Variants in ELOVL6 observed in about 807,000 individuals in gnomAD.
The protein encoded by ELOVL6 is ELOVL fatty acid elongase 6.
Under a neutral mutation model 31.7 loss-of-function variants are expected in ELOVL6, and 8 were observed. That is an observed-to-expected ratio of 0.25 (90% confidence interval 0.15 to 0.45). ELOVL6 has a LOEUF of 0.45. ELOVL6 is among the 20% of genes least tolerant of loss of function. The probability of loss-of-function intolerance (pLI) is 1.00; values close to 1 mark genes in which losing one functional copy is unlikely to be tolerated. For missense variants in ELOVL6, 126 were observed against 326.4 expected (o/e 0.39, Z 4.73); for synonymous variants, 101 against 117.7 (o/e 0.86, Z 0.92).
At chr4:110,053,612 C>G (rs1212315493) in intron 3 of ELOVL6, among the ~76,000 whole-genome samples, 3 of 152,134 alleles carry the variant, frequency 2.0e-5, no homozygotes, top group Admixed American at 6.5e-5. Context: ...CGAGACCAGC[C>G]TGGCCAACAT....
At position 110,047,011 on chromosome 4, in the gene ELOVL6, C is replaced by T. The variant is rs1448282994; in HGVS notation, c.*4327G>A. 1.3e-5 allele frequency: 2 copies of T among 152,124 alleles called. No homozygotes were observed. Among genetic ancestry groups the T allele is most frequent in the Admixed American group, 6.5e-5 (1 of 15,270 alleles). The allele number at this position is 152,124 out of a possible 1,614,324, so 9.4% of individuals were successfully genotyped here. A position where few individuals can be genotyped will look rare whatever the true frequency, so the allele number is the denominator to read the frequency against. ...ACGATGTTTCAAAAGCTGTGGGAGA[C>T]AATGACTCACAGCATGAACATAGGC... On this transcript the variant is annotated 3_prime_UTR_variant, in exon 4 of 4. Coordinates refer to ENST00000302274, the MANE Select transcript of ELOVL6 (RefSeq NM_024090.3).
chr4:110,150,511 A>C (rs1758248932), intron 1 of ELOVL6, among the ~76,000 whole-genome samples: 1 of 152,224 alleles, frequency 6.6e-6, no homozygotes, highest in African/African-American at 2.4e-5. Flanking sequence ...TCAATGGCTA[A>C]TTTCTGAAAC....
chr4:110,075,617 T>C (rs896671651), intron 2 of ELOVL6, among the ~76,000 whole-genome samples: 9 of 152,098 alleles, frequency 5.9e-5, no homozygotes, highest in African/African-American at 2.2e-4. Context: ...GAGGCAGAAA[T>C]GAGGAGTTTT....
chr4:110,113,072 A>G (rs889417559), intron 1 of ELOVL6, among the ~76,000 whole-genome samples: 8 of 150,552 alleles, frequency 5.3e-5, no homozygotes, highest in Non-Finnish European at 1.0e-4. Flanking sequence ...AAAAAATACA[A>G]AAAAAATTAG....
chr4:110,170,834 G>A (rs769636979), intron 1 of ELOVL6, among the ~76,000 whole-genome samples: 5 of 152,112 alleles, frequency 3.3e-5, no homozygotes, highest in African/African-American at 4.8e-5. Flanking sequence ...CTCCTGGCTC[G>A]CAACTCCCAC....
intron 1 of ELOVL6, among the ~76,000 whole-genome samples, chr4:110,174,605 C>T (rs1759046394): frequency 6.6e-6 from 1 of 152,106 alleles, no homozygotes; most frequent in Non-Finnish European, 1.5e-5. Flanking sequence ...TTTCTATTGA[C>T]CTTAGAATTC....
At chr4:110,161,356 T>C (rs1389293666) in intron 1 of ELOVL6, among the ~76,000 whole-genome samples, 1 of 152,212 alleles carries the variant, frequency 6.6e-6, no homozygotes, top group African/African-American at 2.4e-5. Context: ...CATTCACTGA[T>C]TCTGTATTTG....
chr4:110,067,889 T>C (rs1202989488), intron 2 of ELOVL6, among the ~76,000 whole-genome samples: 1 of 152,230 alleles, frequency 6.6e-6, no homozygotes, highest in Non-Finnish European at 1.5e-5. Flanking sequence ...CTTTCACATA[T>C]TTTAAGTTGA....
intron 1 of ELOVL6, among the ~76,000 whole-genome samples, chr4:110,160,440 A>G (rs570835547): frequency 6.6e-6 from 1 of 152,348 alleles, no homozygotes; most frequent in South Asian, 2.1e-4. Flanking sequence ...ATGTATATAC[A>G]AACTATAATA....
At chr4:110,121,758 G>A (rs1371631457) in intron 1 of ELOVL6, among the ~76,000 whole-genome samples, 1 of 152,152 alleles carries the variant, frequency 6.6e-6, no homozygotes, top group Non-Finnish European at 1.5e-5. Flanking sequence ...CACTATTTCT[G>A]CCAGTTAAAA....
In ELOVL6 at chr4:110,100,035, C is replaced by A. The variant is rs552635140; in HGVS notation, c.221+5462G>T. 3.3e-5 allele frequency among the ~76,000 whole-genome samples: 5 copies of A among 152,300 alleles called. No individual in the cohort carries two copies. In the East Asian group the frequency reaches 9.6e-4, roughly 29 times the overall value. ...TTTACCCTAAGGAAATGTTCAAACA[C>A]CCATGGATAAATGCCACATAAAATT... On this transcript the variant is annotated intron_variant, in intron 2 of 3. Transcript: ENST00000302274.
intron 1 of ELOVL6, among the ~76,000 whole-genome samples, chr4:110,158,657 A>ATTTTTTTTTTTTTTTT (rs1184682018): frequency 2.7e-5 from 2 of 74,162 alleles, no homozygotes; most frequent in Non-Finnish European, 4.6e-5. Context: ...ATATATATAT[A>ATTTTTTTTTTTTTTTT]TTTTTTTTTT....
rs866446041 is a variant in ELOVL6, at chr4:110,097,324, C to T, written c.221+8173G>A. ...CATCTCCAAAAAAAAAAAAAAAAAGCTTAAGAAATCCTCTACCCCACTACC... is the reference window on the plus strand; with the variant it reads ...CATCTCCAAAAAAAAAAAAAAAAAGTTTAAGAAATCCTCTACCCCACTACC... On this transcript the variant is annotated intron_variant, in intron 2 of 3. Coordinates refer to ENST00000302274, the MANE Select transcript of ELOVL6 (RefSeq NM_024090.3). Among the ~76,000 whole-genome samples, 26 of 112,326 alleles carry T rather than the reference C, an allele frequency of 2.3e-4. No homozygotes were observed. In the South Asian group the frequency reaches 6.7e-3, roughly 29 times the overall value. The allele number at this position is 112,326 out of a possible 152,430, so 73.7% of individuals were successfully genotyped here. A position where few individuals can be genotyped will look rare whatever the true frequency, so the allele number is the denominator to read the frequency against.
At chr4:110,151,439 T>C (rs1413837097) in intron 1 of ELOVL6, among the ~76,000 whole-genome samples, 1 of 152,214 alleles carries the variant, frequency 6.6e-6, no homozygotes, top group Non-Finnish European at 1.5e-5. Context: ...TTTGGTGTCA[T>C]GTTAGCACTC....
At chr4:110,071,595 G>A (rs1019956553) in intron 2 of ELOVL6, among the ~76,000 whole-genome samples, 3 of 152,032 alleles carry the variant, frequency 2.0e-5, no homozygotes, top group African/African-American at 7.2e-5. Flanking sequence ...GAACCAGCAG[G>A]GGGGATTCCT....
At chr4:110,119,365 T>C (rs986669550) in intron 1 of ELOVL6, among the ~76,000 whole-genome samples, 2 of 152,194 alleles carry the variant, frequency 1.3e-5, no homozygotes, top group Non-Finnish European at 2.9e-5. Flanking sequence ...ACAAAATCAA[T>C]TGCACTGTTT....
chr4:110,082,875 C>A (rs992727743), intron 2 of ELOVL6, among the ~76,000 whole-genome samples: 1 of 152,056 alleles, frequency 6.6e-6, no homozygotes, highest in Non-Finnish European at 1.5e-5. Flanking sequence ...ATGGACTCAA[C>A]AATTATCCAC....
chr4:110,099,583 T>C (rs999606848), intron 2 of ELOVL6, among the ~76,000 whole-genome samples: 12 of 152,192 alleles, frequency 7.9e-5, no homozygotes, highest in Non-Finnish European at 1.8e-4. Context: ...TTTGCACCTA[T>C]AAATTTTTAA....
intron 1 of ELOVL6, among the ~76,000 whole-genome samples, chr4:110,106,954 G>C (rs1447025375): frequency 6.6e-6 from 1 of 152,158 alleles, no homozygotes; most frequent in Non-Finnish European, 1.5e-5. Flanking sequence ...AAACAGTTGA[G>C]CATGTTTCCT....
Sources: allele counts gnomAD v4.1 joint callset (sites outside exome capture counted in the v4.1 genomes callset), GRCh38; gene constraint gnomAD v4.1.1; transcripts MANE v1.5; gene names NCBI Gene and HGNC (gene_info 2026-07-23, HGNC 2026-07-21).